NRXN2: variants seen among roughly 807,000 people sequenced by gnomAD.
NRXN2 encodes the protein neurexin-2-beta.
NRXN2 carries 29 observed loss-of-function variants against 128.8 expected under a neutral mutation model. That is an observed-to-expected ratio of 0.23 (90% CI 0.17 to 0.31). NRXN2 has a LOEUF of 0.31. Ranked by LOEUF, NRXN2 falls within the 10% of genes least tolerant of loss-of-function variation. NRXN2 has a pLI of 1.00. For synonymous variants in NRXN2, 1,098 were observed against 1,075.2 expected, an observed-to-expected ratio of 1.02 and a Z score of -0.41; for missense variants, 1,881 against 2,452.6, an observed-to-expected ratio of 0.77 and a Z score of 4.92.
chr11:64,659,358 G>C (rs1443890048), intron 11 of NRXN2: 1 of 152,326 alleles, frequency 6.6e-6, no homozygotes, highest in African/African-American at 2.4e-5. Flanking sequence ...ATAGCTGAAT[G>C]AGTGAACCTG....
chr11:64,642,586 A>C (rs1261083103), intron 17 of NRXN2: 3 of 1,610,894 alleles, frequency 1.9e-6, no homozygotes, highest in Non-Finnish European at 2.5e-6. Flanking sequence ...GGCGATGGGC[A>C]CGGTGCCGTG....
chr11:64,705,866 A>C (rs1181948366), intron 2 of NRXN2, among the ~76,000 whole-genome samples: 3 of 149,124 alleles, frequency 2.0e-5, no homozygotes, highest in Admixed American at 6.9e-5. Context: ...AAGAGGAAGA[A>C]TCCTACAGTT....
intron 22 of NRXN2, among the ~76,000 whole-genome samples, chr11:64,611,304 C>G (rs573869167): frequency 2.0e-5 from 3 of 152,312 alleles, no homozygotes; most frequent in Admixed American, 2.0e-4. Context: ...CTATGGAGAG[C>G]TTACCTTGGC....
At chr11:64,628,251 C>G (rs1457507329) in intron 19 of NRXN2, among the ~76,000 whole-genome samples, 2 of 152,158 alleles carry the variant, frequency 1.3e-5, no homozygotes, top group African/African-American at 2.4e-5. Flanking sequence ...AACTGAGATT[C>G]AGAGAGGCTA....
chr11:64,644,154 G>A (rs2046284830), intron 17 of NRXN2, among the ~76,000 whole-genome samples: 2 of 152,164 alleles, frequency 1.3e-5, no homozygotes, highest in Admixed American at 6.5e-5. Flanking sequence ...GCACACACAC[G>A]TTTGATCACA....
At chr11:64,671,054 G>A (rs1308887201) in intron 7 of NRXN2, among the ~76,000 whole-genome samples, 1 of 152,186 alleles carries the variant, frequency 6.6e-6, no homozygotes, top group Non-Finnish European at 1.5e-5. Flanking sequence ...TAGAGAAGAG[G>A]AAACACCCTC....
chr11:64,620,821 A>G (rs750314236), intron 21 of NRXN2, among the ~76,000 whole-genome samples: 5 of 148,746 alleles, frequency 3.4e-5, no homozygotes, highest in Non-Finnish European at 5.9e-5. Context: ...ACCACCCATC[A>G]CCCCTCATCT....
In NRXN2 at chr11:64,668,496, C is replaced by T; in HGVS notation, c.1306G>A (p.Ala436Thr). The change falls in exon 8 of 23, where the codon GCT (alanine) becomes ACT (threonine). Residue 436 changes from alanine to threonine, a missense_variant. Physicochemically the swap from Ala to Thr is moderately conservative, Grantham distance 58 (BLOSUM62 0). Coordinates refer to ENST00000265459, the MANE Select transcript of NRXN2 (RefSeq NM_015080.4). ...CTGACGGGCGAGCCCGGCAGGTCAG[C>T]TGTGTTGGGGCTGCCCCCAATGTAG... ...FFYIGGSPNT[A>T]DLPGSPVSNN... is the part of the protein sequence containing the mutation. The T allele has an allele frequency of 6.2e-7, 1 of 1,614,092 alleles. No individual in the cohort carries two copies. Among genetic ancestry groups the T allele is most frequent in the Non-Finnish European group, 8.5e-7 (1 of 1,180,018 alleles).
intron 3 of NRXN2, among the ~76,000 whole-genome samples, chr11:64,693,301 C>CTTTTTCTT (rs1389147128): frequency 6.7e-6 from 1 of 149,500 alleles, no homozygotes; most frequent in Non-Finnish European, 1.5e-5. Flanking sequence ...TTGCTTTTTC[C>CTTTTTCTT]TTTTTCTTTT....
intron 2 of NRXN2, among the ~76,000 whole-genome samples, chr11:64,707,717 TAA>T: frequency 6.6e-6 from 1 of 152,348 alleles, no homozygotes; most frequent in East Asian, 1.9e-4. Context: ...AGTTTAAGTA[TAA>T]AGTCACTGCC....
chr11:64,713,108 G>A lies in NRXN2; in HGVS notation c.592C>T (p.Arg198Cys). ...PPALLGSQGL[R>C]GATADPLCAP... ...CACAGCGGGTCGGCGGTGGCGCCGCGCAGGCCCTGGCTGCCCAGCAGCGCG... is the reference window on the plus strand; with the variant it reads ...CACAGCGGGTCGGCGGTGGCGCCGCACAGGCCCTGGCTGCCCAGCAGCGCG... Residue 198 changes from arginine to cysteine, a missense_variant, in exon 2 of 23, where the codon CGC becomes TGC. By Grantham distance (180) the Arg-to-Cys change is radical. Coordinates refer to ENST00000265459, the MANE Select transcript of NRXN2 (RefSeq NM_015080.4). 2 of 1,363,714 alleles carry A rather than the reference G, an allele frequency of 1.5e-6. No homozygotes were observed. Among genetic ancestry groups the A allele is most frequent in the South Asian group, 1.7e-5 (1 of 57,240 alleles). 84.5% of individuals were successfully genotyped at this position (1,363,714 alleles called of 1,614,324 possible). A position where few individuals can be genotyped will look rare whatever the true frequency, so the allele number is the denominator to read the frequency against.
At chr11:64,687,520 G>C (rs753648331) in intron 5 of NRXN2, among the ~76,000 whole-genome samples, 5 of 152,212 alleles carry the variant, frequency 3.3e-5, no homozygotes, top group Admixed American at 6.5e-5. Context: ...CAAGGCTGGT[G>C]GGGGCCTGGG....
intron 17 of NRXN2, chr11:64,642,696 C>CAGCGGCAGCAGAGGT: frequency 6.6e-7 from 1 of 1,521,304 alleles, no homozygotes; most frequent in East Asian, 2.7e-5. Flanking sequence ...ACAGCGGCAA[C>CAGCGGCAGCAGAGGT]AGCGGCAGCA....
chr11:64,699,437 T>TTTC (rs1175561909), intron 2 of NRXN2, among the ~76,000 whole-genome samples: 7 of 139,612 alleles, frequency 5.0e-5, no homozygotes, highest in Non-Finnish European at 1.1e-4. Context: ...TTTTTTTTTT[T>TTTC]TTTTTTTTTT....
At chr11:64,609,347 C>A (rs2040248630) in intron 22 of NRXN2, among the ~76,000 whole-genome samples, 1 of 151,698 alleles carries the variant, frequency 6.6e-6, no homozygotes, top group Non-Finnish European at 1.5e-5. Flanking sequence ...AATAACAAAA[C>A]AACGGAAAGA....
chr11:64,660,024 C>G lies in NRXN2; in HGVS notation c.2389+308G>C, dbSNP rs1257501676. Among the ~76,000 whole-genome samples the G allele has an allele frequency of 2.0e-5, 3 of 152,226 alleles. No individual in the cohort carries two copies. Among genetic ancestry groups the G allele is most frequent in the African/African-American group, 4.8e-5 (2 of 41,466 alleles). On this transcript the variant is annotated intron_variant, in intron 11 of 22. Coordinates refer to ENST00000265459, the MANE Select transcript of NRXN2 (RefSeq NM_015080.4). The surrounding 1 kb of genome is among the most constrained non-coding windows in gnomAD (Gnocchi z 5.2). ...ATTGACCAAAAATGAGCTGTGTCAT[C>G]TGTGTGTGTGCAGGACAGATGCTAC... is the stretch of plus-strand genomic sequence containing the variant.
At chr11:64,674,434 C>T (rs948753905) in intron 7 of NRXN2, among the ~76,000 whole-genome samples, 1 of 152,142 alleles carries the variant, frequency 6.6e-6, no homozygotes, top group Admixed American at 6.6e-5. Context: ...TCAGGTGATC[C>T]ACCCACTTCA....
rs181387892 is a variant in NRXN2, at chr11:64,679,349, G to C, written c.1153-2312C>G. 9.8e-4 allele frequency among the ~76,000 whole-genome samples: 149 copies of C among 152,262 alleles called. 4 individuals are homozygous for C. Among genetic ancestry groups the C allele is most frequent in the Admixed American group, 9.6e-3 (147 of 15,288 alleles). ...AGTAGAACAGCAAATTAAGAATCAG[G>C]ATTGAGGGCCAGGCGTGGTGGGTCA... On this transcript the variant is annotated intron_variant, in intron 6 of 22. Transcript: ENST00000265459.
intron 21 of NRXN2, 89 bp from the exon 22 acceptor site, chr11:64,620,461 G>A: frequency 1.0e-6 from 1 of 976,704 alleles, no homozygotes; most frequent in South Asian, 1.4e-5. Flanking sequence ...CGGTGGCACG[G>A]GGGATGCCCC....
Sources: gnomAD v4.1 joint callset for allele counts (sites outside exome capture counted in the v4.1 genomes callset) on GRCh38, gnomAD v4.1.1 for gene constraint, Gnocchi (gnomAD v3.1) non-coding constraint, MANE v1.5 for transcripts, NCBI Gene and HGNC (gene_info 2026-07-23, HGNC 2026-07-21) for gene names.